IP6K3: variants seen among roughly 807,000 people sequenced by gnomAD.
IP6K3 encodes the protein inositol hexakisphosphate kinase 3.
In IP6K3, 20 loss-of-function variants were observed where a neutral mutation model predicts 28.8. The ratio of observed to expected loss-of-function variants is 0.70; its 90% confidence interval spans 0.49 to 1.01. IP6K3 has a LOEUF of 1.01. IP6K3 is among the 50% of genes least tolerant of loss of function. The probability of loss-of-function intolerance (pLI) is 0.00; values close to 1 mark genes in which losing one functional copy is unlikely to be tolerated. For missense variants in IP6K3, 480 were observed against 537.1 expected (o/e 0.89, Z 1.05); for synonymous variants, 213 against 221.3 (o/e 0.96, Z 0.33).
chr6:33,761,347 G>A, the IP6K3 span, among the ~76,000 whole-genome samples: 2 of 152,160 alleles, frequency 1.3e-5, no homozygotes, highest in East Asian at 3.9e-4. Flanking sequence ...CTCTGATACA[G>A]CCTCCCCCAG....
rs150928236 is a variant in IP6K3, at chr6:33,726,768, G to T, written c.552C>A (p.Thr184=). The change falls in exon 4 of 6, where the codon ACC becomes ACA. Residue 184 remains threonine, a synonymous_variant. Coordinates refer to ENST00000293756, the MANE Select transcript of IP6K3 (RefSeq NM_054111.5). ...WGLQCHQAHL[T]RLCSEYPENK... is the part of the protein sequence containing the mutation. The stretch of plus-strand genomic sequence containing the variant: ...TCTCTGGGTACTCGGAGCACAGGCG[G>T]GTCAGGTGGGCCTGGTGGCATTGCA... 6.1e-5 allele frequency: 98 copies of T among 1,605,458 alleles called. No homozygotes were observed. In the African/African-American group the frequency reaches 1.2e-3, roughly 20 times the overall value.
At chr6:33,737,103 G>A (rs1766554738) in intron 1 of IP6K3, among the ~76,000 whole-genome samples, 1 of 152,184 alleles carries the variant, frequency 6.6e-6, no homozygotes. Context: ...GCCGGGGCCT[G>A]CTCTTCTCTA....
chr6:33,749,042 G>A (rs1014112765), upstream of IP6K3, among the ~76,000 whole-genome samples: 2 of 152,016 alleles, frequency 1.3e-5, no homozygotes, highest in Non-Finnish European at 2.9e-5. Context: ...CCAGCCCTGC[G>A]CCACCTCTCC....
At position 33,736,595 on chromosome 6, in the gene IP6K3, A is replaced by G. The variant is rs534173103; in HGVS notation, c.-179-940T>C. 8.1e-4 allele frequency among the ~76,000 whole-genome samples: 123 copies of G among 151,976 alleles called. 1 individual carries two copies. Among genetic ancestry groups the G allele is most frequent in the Admixed American group, 4.0e-3 (61 of 15,266 alleles). On this transcript the variant is annotated intron_variant, in intron 1 of 5. Coordinates refer to ENST00000293756, the MANE Select transcript of IP6K3 (RefSeq NM_054111.5). Reference sequence around the variant, plus strand: ...AATTTTTGTATTTTTTAGTAGAGACAGGGTTTCGCCATGTTGGCCAGGCTG... The same window carrying G: ...AATTTTTGTATTTTTTAGTAGAGACGGGGTTTCGCCATGTTGGCCAGGCTG...
chr6:33,722,514 G>C lies in IP6K3; in HGVS notation c.*206C>G, dbSNP rs1561896472. The C allele has an allele frequency of 2.1e-6, 1 of 487,408 alleles. No individual in the cohort carries two copies. Among genetic ancestry groups the C allele is most frequent in the Non-Finnish European group, 3.6e-6 (1 of 275,512 alleles). 30.2% of individuals were successfully genotyped at this position (487,408 alleles called of 1,614,324 possible). ...GTCTGTTCTCCGATGAGCAGCATTA[G>C]AGCATAATGCCAGGGGATGTGGAAT... is the stretch of plus-strand genomic sequence containing the variant. On this transcript the variant is annotated 3_prime_UTR_variant, in exon 6 of 6. Coordinates refer to ENST00000293756, the MANE Select transcript of IP6K3 (RefSeq NM_054111.5).
Position 33,735,418 on chromosome 6 carries a change from G to A in IP6K3, c.59C>T (p.Pro20Leu). ...GDMRAGVQLEPFLHQVGGHMS... is the reference protein window; with the variant it reads ...GDMRAGVQLELFLHQVGGHMS... ...GTGCCCCCCGACCTGGTGCAGGAAGGGCTCCAGCTGCACGCCTGCCCTCAT... is the reference window on the plus strand; with the variant it reads ...GTGCCCCCCGACCTGGTGCAGGAAGAGCTCCAGCTGCACGCCTGCCCTCAT... The change falls in exon 2 of 6, where the codon CCC (proline) becomes CTC (leucine). Residue 20 changes from proline (P) to leucine (L), a missense_variant. Coordinates refer to ENST00000293756, the MANE Select transcript of IP6K3 (RefSeq NM_054111.5). 1.2e-6 allele frequency: 2 copies of A among 1,609,620 alleles called. No individual in the cohort carries two copies. The highest frequency in any genetic ancestry group is 8.5e-7 in the Non-Finnish European group (1 of 1,178,306).
At chr6:33,752,009 T>C in the IP6K3 span, among the ~76,000 whole-genome samples, 4 of 152,186 alleles carry the variant, frequency 2.6e-5, no homozygotes, top group Non-Finnish European at 5.9e-5. Context: ...CACATCTGGC[T>C]GAGGCCCAGG....
intron 2 of IP6K3, among the ~76,000 whole-genome samples, chr6:33,731,512 A>C (rs773849832): frequency 3.3e-5 from 5 of 152,166 alleles, no homozygotes; most frequent in Non-Finnish European, 5.9e-5. Context: ...TCCATTTCTC[A>C]TATTGTCAGA....
Position 33,726,756 on chromosome 6 carries a change from G to A in IP6K3, c.564C>T (p.Ser188=), listed in dbSNP as rs758240331. Residue 188 remains serine, a synonymous_variant, in exon 4 of 6, where the codon TCC becomes TCT. Transcript: ENST00000293756. ...CHQAHLTRLC[S]EYPENKRHRF... ...GATGCCGCTTGTTCTCTGGGTACTC[G>A]GAGCACAGGCGGGTCAGGTGGGCCT... The A allele has an allele frequency of 1.1e-5, 17 of 1,600,956 alleles. No homozygotes were observed. The highest frequency in any genetic ancestry group is 3.3e-5 in the South Asian group (3 of 90,376).
rs190879992 is a variant in IP6K3, at chr6:33,731,421, C to A, written c.200-3121G>T. On this transcript the variant is annotated intron_variant, in intron 2 of 5. Coordinates refer to ENST00000293756, the MANE Select transcript of IP6K3 (RefSeq NM_054111.5). ...CTCCAGGCTCCAGTACTTGTCTGAT[C>A]TCATCAGTTCTGAGTGTCTGAGTAA... is the stretch of plus-strand genomic sequence containing the variant. Among the ~76,000 whole-genome samples the A allele has an allele frequency of 2.5e-3, 377 of 152,354 alleles. 1 individual carries two copies. Among genetic ancestry groups the A allele is most frequent in the African/African-American group, 8.4e-3 (351 of 41,582 alleles).
upstream of IP6K3, among the ~76,000 whole-genome samples, chr6:33,751,886 G>C (rs2127370927): frequency 1.3e-5 from 2 of 152,356 alleles, no homozygotes; most frequent in Middle Eastern, 6.8e-3. This position sits in a 1 kb window ranked among gnomAD's most constrained non-coding sequence, Gnocchi z 4.3. Flanking sequence ...GAGAAGGCTG[G>C]GAGGAGGGGA....
chr6:33,726,475 C>A (rs1423328139), intron 4 of IP6K3, among the ~76,000 whole-genome samples: 2 of 152,152 alleles, frequency 1.3e-5, no homozygotes, highest in African/African-American at 2.4e-5. Flanking sequence ...CAGCCAGGGC[C>A]CCCCCAGGGC....
the IP6K3 span, among the ~76,000 whole-genome samples, chr6:33,761,814 G>C: frequency 2.0e-5 from 3 of 152,052 alleles, no homozygotes; most frequent in African/African-American, 7.2e-5. Flanking sequence ...CTGGGGACAG[G>C]GTTGCATCCC....
At chr6:33,729,787 C>T (rs1766253342) in intron 2 of IP6K3, among the ~76,000 whole-genome samples, 1 of 151,924 alleles carries the variant, frequency 6.6e-6, no homozygotes, top group Admixed American at 6.6e-5. Flanking sequence ...AATCTCGGCT[C>T]ACTGCAACCT....
At chr6:33,723,307 C>T in intron 5 of IP6K3, 120 bp from the exon 6 acceptor site, 1 of 646,988 alleles carries the variant, frequency 1.5e-6, no homozygotes, top group Non-Finnish European at 2.6e-6. Flanking sequence ...AGATGTAGGG[C>T]AAGAGTGACT....
At chr6:33,723,531 C>T (rs1765991099) in intron 5 of IP6K3, among the ~76,000 whole-genome samples, 1 of 152,208 alleles carries the variant, frequency 6.6e-6, no homozygotes, top group Admixed American at 6.5e-5. Flanking sequence ...GCTCCTGGCC[C>T]TCTTCAATTC....
At chr6:33,758,597 G>T in the IP6K3 span, among the ~76,000 whole-genome samples, 88 of 152,098 alleles carry the variant, frequency 5.8e-4, no homozygotes, top group Non-Finnish European at 6.6e-4. Flanking sequence ...AGTTTTTTTT[G>T]TTGTTGTTGT....
chr6:33,747,455 G>A (rs532878130), upstream of IP6K3, among the ~76,000 whole-genome samples: 1 of 152,306 alleles, frequency 6.6e-6, no homozygotes, highest in Admixed American at 6.5e-5. This position sits in a 1 kb window ranked among gnomAD's most constrained non-coding sequence, Gnocchi z 5.2. Flanking sequence ...GATTACAGCT[G>A]GGGGGCTCAG....
intron 1 of IP6K3, among the ~76,000 whole-genome samples, chr6:33,738,724 G>A (rs1343529077): frequency 1.3e-5 from 2 of 152,312 alleles, no homozygotes; most frequent in South Asian, 2.1e-4. Flanking sequence ...AGGGGGCTGA[G>A]GGTTGTTGTT....
Sources: gnomAD v4.1 joint callset for allele counts (sites outside exome capture counted in the v4.1 genomes callset) on GRCh38, gnomAD v4.1.1 for gene constraint, Gnocchi (gnomAD v3.1) non-coding constraint, MANE v1.5 for transcripts, NCBI Gene and HGNC (gene_info 2026-07-23, HGNC 2026-07-21) for gene names.